The following PROS1 variants were observed in gnomAD, a reference collection of about 807,000 sequenced individuals.
The protein encoded by PROS1 is protein S, also known as vitamin K-dependent protein S.
A neutral mutation model predicts 75.9 loss-of-function variants in PROS1; 29 were observed. The ratio of observed to expected loss-of-function variants is 0.38; its 90% CI spans 0.28 to 0.52. The LOEUF (loss-of-function observed/expected upper bound fraction) is 0.52, where lower values mean the gene tolerates loss of function less well. Among genes scored for constraint, PROS1 ranks in the 20% least tolerant of loss-of-function variants. PROS1 has a pLI of 0.83. For missense variants in PROS1, 680 were observed against 810.3 expected (o/e 0.84, Z 1.95); for synonymous variants, 245 against 280.6 (o/e 0.87, Z 1.27).
At chr3:93,953,670 AC>A (rs1165224831) in intron 1 of PROS1, among the ~76,000 whole-genome samples, 3 of 145,078 alleles carry the variant, frequency 2.1e-5, no homozygotes, top group Admixed American at 6.9e-5. Flanking sequence ...TTGGCACAAG[AC>A]CGGGATGCCC....
chr3:93,910,137 A>T (rs764528896), intron 4 of PROS1, among the ~76,000 whole-genome samples: 6 of 152,210 alleles, frequency 3.9e-5, no homozygotes, highest in Admixed American at 6.5e-5. Context: ...TTACCAAAAA[A>T]GAGTCAAAAA....
chr3:93,934,623 A>G (rs1709154630), intron 1 of PROS1, among the ~76,000 whole-genome samples: 1 of 152,224 alleles, frequency 6.6e-6, no homozygotes, highest in South Asian at 2.1e-4. Context: ...AAGATCATTA[A>G]GAGATAGGTG....
Position 93,906,074 on chromosome 3 carries a change from G to A in PROS1, c.416C>T (p.Ala139Val), listed in dbSNP as rs1328295730. The A allele has an allele frequency of 1.1e-5, 18 of 1,614,062 alleles. No individual in the cohort carries two copies. The East Asian group carries it at 3.8e-4, about 34-fold the overall frequency. Reference sequence around the variant, plus strand: ...TGGTTTACAAGTGCAAGTAAAAGAAGCTTTTCCATCTTTGCAGCTCATATA... The same window carrying A: ...TGGTTTACAAGTGCAAGTAAAAGAAACTTTTCCATCTTTGCAGCTCATATA... ...DGYMSCKDGK[A>V]SFTCTCKPGW... Residue 139 changes from alanine to valine, a missense_variant, in exon 5 of 15, where the codon GCT becomes GTT. Coordinates refer to ENST00000394236, the MANE Select transcript of PROS1 (RefSeq NM_000313.4).
At position 93,968,980 on chromosome 3, in the gene PROS1, C is replaced by T. The variant is rs76684155; in HGVS notation, c.76+4694G>A. The stretch of plus-strand genomic sequence containing the variant: ...AAACACAAACATGAGGCACTTGCAT[C>T]CTGAGGGCAAGAGAGCTATGAAATG... On this transcript the variant is annotated intron_variant, in intron 1 of 14. Coordinates refer to ENST00000394236, the MANE Select transcript of PROS1 (RefSeq NM_000313.4). Among the ~76,000 whole-genome samples the T allele has an allele frequency of 3.6e-3, 551 of 152,236 alleles. 3 individuals are homozygous for T. The highest frequency in any genetic ancestry group is 4.6e-3 in the Non-Finnish European group (310 of 68,000).
chr3:93,961,604 T>G (rs929449653), intron 1 of PROS1, among the ~76,000 whole-genome samples: 1 of 152,224 alleles, frequency 6.6e-6, no homozygotes, highest in African/African-American at 2.4e-5. Context: ...GCCTGGACTT[T>G]TGACCTATGC....
chr3:93,921,649 G>A (rs1003825187), intron 3 of PROS1, among the ~76,000 whole-genome samples: 1 of 152,042 alleles, frequency 6.6e-6, no homozygotes, highest in Non-Finnish European at 1.5e-5. Flanking sequence ...ATTTTATTTA[G>A]GTTTCCAAGT....
At chr3:93,904,268 A>G (rs1057256192) in intron 6 of PROS1, among the ~76,000 whole-genome samples, 2 of 152,164 alleles carry the variant, frequency 1.3e-5, no homozygotes, top group African/African-American at 2.4e-5. Context: ...TAATGCCGCA[A>G]TAAACATACG....
chr3:93,941,842 C>T (rs187756951), intron 1 of PROS1, among the ~76,000 whole-genome samples: 5 of 152,180 alleles, frequency 3.3e-5, no homozygotes, highest in African/African-American at 1.2e-4. Context: ...ACACTCTCTA[C>T]AATTCTCATA....
At chr3:93,973,275 T>A (rs1301936369) in intron 1 of PROS1, among the ~76,000 whole-genome samples, 1 of 152,026 alleles carries the variant, frequency 6.6e-6, no homozygotes, top group Non-Finnish European at 1.5e-5. Context: ...CGGGTGCAGG[T>A]TGGGGGCAGG....
chr3:93,912,818 C>A (rs1054593238), intron 3 of PROS1, among the ~76,000 whole-genome samples: 2 of 152,100 alleles, frequency 1.3e-5, no homozygotes, highest in Non-Finnish European at 2.9e-5. Flanking sequence ...GATGGTGGAG[C>A]CTTAATGACC....
rs1229499838 is a variant in PROS1, at chr3:93,884,890, G to A, written c.1330C>T (p.Pro444Ser). 2 of 1,612,194 alleles carry A rather than the reference G, an allele frequency of 1.2e-6. No homozygotes were observed. The highest frequency in any genetic ancestry group is 1.7e-5 in the Admixed American group (1 of 59,850). The change falls in exon 12 of 15, where the codon CCT becomes TCT. Residue 444 changes from proline to serine, a missense_variant. Physicochemically the swap from Pro to Ser is moderately conservative, Grantham distance 74 (BLOSUM62 -1). Transcript: ENST00000394236. The part of the protein sequence containing the change: ...VESELIKPIN[P>S]RLDGCIRSWN... ...CTTCGTATACATCCATCTAGACGAG[G>A]GTTAATCTAACAAATTAAAATACAA...
At chr3:93,968,737 A>G (rs1291415573) in intron 1 of PROS1, among the ~76,000 whole-genome samples, 1 of 150,590 alleles carries the variant, frequency 6.6e-6, no homozygotes, top group African/African-American at 2.4e-5. Context: ...AAAAAAAATA[A>G]AGAAATAAAA....
chr3:93,967,008 CT>C (rs1442643415), intron 1 of PROS1, among the ~76,000 whole-genome samples: 1 of 152,078 alleles, frequency 6.6e-6, no homozygotes, highest in Non-Finnish European at 1.5e-5. Flanking sequence ...CCACATATGG[CT>C]TTCGGGTTGC....
At chr3:93,907,564 C>G (rs192746162) in intron 4 of PROS1, among the ~76,000 whole-genome samples, 23 of 152,310 alleles carry the variant, frequency 1.5e-4, no homozygotes, top group African/African-American at 4.8e-4. Flanking sequence ...GAGCTACCCA[C>G]TGAGGGTCTC....
intron 14 of PROS1, among the ~76,000 whole-genome samples, chr3:93,875,950 T>C (rs1323234384): frequency 6.6e-6 from 1 of 152,194 alleles, no homozygotes; most frequent in African/African-American, 2.4e-5. Context: ...TTTCCAATAT[T>C]CAGTTAAAGA....
At chr3:93,912,242 C>A (rs1486422083) in intron 3 of PROS1, among the ~76,000 whole-genome samples, 1 of 152,124 alleles carries the variant, frequency 6.6e-6, no homozygotes, top group Non-Finnish European at 1.5e-5. Flanking sequence ...CCAGTTCTTG[C>A]TTTATCATTC....
intron 1 of PROS1, among the ~76,000 whole-genome samples, chr3:93,970,303 G>A (rs2107273704): frequency 6.6e-6 from 1 of 152,224 alleles, no homozygotes; most frequent in Admixed American, 6.5e-5. Context: ...TGCCTTAAGT[G>A]GGAAATGATT....
intron 1 of PROS1, among the ~76,000 whole-genome samples, chr3:93,952,646 C>T (rs996874486): frequency 1.1e-4 from 16 of 152,232 alleles, no homozygotes; most frequent in East Asian, 1.9e-4. Context: ...AAAATTGACA[C>T]CCTAACAGCA....
intron 1 of PROS1, among the ~76,000 whole-genome samples, chr3:93,966,140 T>C (rs1355343954): frequency 6.6e-6 from 1 of 151,812 alleles, no homozygotes; most frequent in Non-Finnish European, 1.5e-5. Context: ...CAAACTAACC[T>C]CTCTCAGGGG....
Sources: allele counts gnomAD v4.1 joint callset (sites outside exome capture counted in the v4.1 genomes callset), GRCh38; gene constraint gnomAD v4.1.1; transcripts MANE v1.5; gene names NCBI Gene and HGNC (gene_info 2026-07-23, HGNC 2026-07-21).